The following OPCML variants were observed in gnomAD, a reference collection of about 807,000 sequenced individuals.
OPCML encodes opioid binding protein/cell adhesion molecule like, also known as opioid-binding protein/cell adhesion molecule.
OPCML carries 13 observed loss-of-function variants against 37.8 expected under a neutral mutation model. That is an observed-to-expected ratio of 0.34 (90% CI 0.22 to 0.55). OPCML has a LOEUF of 0.55. Among genes scored for constraint, OPCML ranks in the 20% least tolerant of loss-of-function variants. The pLI, the probability that OPCML is intolerant of heterozygous loss-of-function variation, is 0.91. For synonymous variants in OPCML, 176 were observed against 168.8 expected, an observed-to-expected ratio of 1.04 and a Z score of -0.33; for missense variants, 341 against 435.6, an observed-to-expected ratio of 0.78 and a Z score of 1.93.
chr11:132,891,996 A>G (rs1565941836), intron 2 of OPCML, among the ~76,000 whole-genome samples: 3 of 152,152 alleles, frequency 2.0e-5, no homozygotes, highest in Non-Finnish European at 4.4e-5. Context: ...GACCCACTGC[A>G]TGGATTTCCA....
intron 1 of OPCML, among the ~76,000 whole-genome samples, chr11:133,454,430 T>C (rs1946635513): frequency 1.3e-5 from 2 of 152,176 alleles, no homozygotes; most frequent in South Asian, 2.1e-4. Flanking sequence ...GCATGATCTA[T>C]AGTTTTTCCC....
intron 2 of OPCML, among the ~76,000 whole-genome samples, chr11:132,887,337 C>A (rs1943463472): frequency 6.6e-6 from 1 of 152,206 alleles, no homozygotes. Flanking sequence ...CACAACCACA[C>A]CGCCTAATGA....
In OPCML at chr11:133,211,311, C is replaced by A. The variant is rs1939348034; in HGVS notation, c.62-268301G>T. Reference sequence around the variant, plus strand: ...ACCACAGCACCCAGCACCTAAAAATCCACTCTTTAAGCATAATAGTCTATT... The same window carrying A: ...ACCACAGCACCCAGCACCTAAAAATACACTCTTTAAGCATAATAGTCTATT... On this transcript the variant is annotated intron_variant, in intron 1 of 7. Coordinates refer to ENST00000524381, the MANE Select transcript of OPCML (RefSeq NM_001012393.5). This position sits in a 1 kb window ranked among gnomAD's most constrained non-coding sequence, Gnocchi z 4.1. 6.6e-6 allele frequency among the ~76,000 whole-genome samples: 1 copy of A among 152,124 alleles called. No individual in the cohort carries two copies. Among genetic ancestry groups the A allele is most frequent in the Admixed American group, 6.5e-5 (1 of 15,278 alleles).
Position 132,618,133 on chromosome 11 carries a change from A to G in OPCML, c.379+38954T>C, listed in dbSNP as rs1490157217. Among the ~76,000 whole-genome samples, 6 of 152,242 alleles carry G rather than the reference A, an allele frequency of 3.9e-5. No homozygotes were observed. The South Asian group carries it at 6.2e-4, about 16-fold the overall frequency. On this transcript the variant is annotated intron_variant, in intron 3 of 7. Transcript: ENST00000524381. ...GTTGATGGAAGTGCTGCCACCTTCAAAGCATGATGACAGCACCAACTTTGG... is the reference window on the plus strand; with the variant it reads ...GTTGATGGAAGTGCTGCCACCTTCAGAGCATGATGACAGCACCAACTTTGG...
At position 133,077,591 on chromosome 11, in the gene OPCML, G is replaced by A. The variant is rs144618220; in HGVS notation, c.62-134581C>T. Among the ~76,000 whole-genome samples, 361 of 152,226 alleles carry A rather than the reference G, an allele frequency of 2.4e-3. 3 individuals are homozygous for A. Among genetic ancestry groups the A allele is most frequent in the African/African-American group, 8.2e-3 (342 of 41,510 alleles). On this transcript the variant is annotated intron_variant, in intron 1 of 7. Transcript: ENST00000524381. ...AAAAGCAAAAAGCACAAGGAAAAAT[G>A]ATGACTGAGGATGACAGAATTAAGA...
intron 1 of OPCML, among the ~76,000 whole-genome samples, chr11:133,450,528 T>C (rs2136957335): frequency 6.6e-6 from 1 of 151,452 alleles, no homozygotes; most frequent in South Asian, 2.1e-4. Flanking sequence ...TCAGTGAGAA[T>C]ATCAACACAT....
chr11:133,267,125 C>T (rs1383783511), intron 1 of OPCML, among the ~76,000 whole-genome samples: 2 of 152,152 alleles, frequency 1.3e-5, no homozygotes, highest in Admixed American at 6.5e-5. Flanking sequence ...CGGTGGAATG[C>T]AATGTGTTGG....
At chr11:133,043,704 G>A (rs536164464) in intron 1 of OPCML, among the ~76,000 whole-genome samples, 2 of 152,258 alleles carry the variant, frequency 1.3e-5, no homozygotes, top group East Asian at 3.9e-4. Flanking sequence ...GTGAGTGATT[G>A]CGTGCGGTTA....
chr11:132,560,575 T>C (rs1007858152), intron 3 of OPCML, among the ~76,000 whole-genome samples: 1 of 152,214 alleles, frequency 6.6e-6, no homozygotes, highest in African/African-American at 2.4e-5. Context: ...TCTCATAGTT[T>C]AGCTCCCATT....
intron 2 of OPCML, among the ~76,000 whole-genome samples, chr11:132,669,844 C>T (rs139223381): frequency 8.9e-4 from 135 of 152,240 alleles, no homozygotes; most frequent in African/African-American, 3.0e-3. Flanking sequence ...TGGAGTTCCA[C>T]GTAAAGTTGT....
At chr11:132,490,842 A>G (rs2096213537) in intron 4 of OPCML, among the ~76,000 whole-genome samples, 1 of 151,896 alleles carries the variant, frequency 6.6e-6, no homozygotes, top group African/African-American at 2.4e-5. Flanking sequence ...AAAGAAATGA[A>G]GAACCTGTGT....
intron 1 of OPCML, among the ~76,000 whole-genome samples, chr11:133,282,059 A>C (rs1323510304): frequency 6.6e-6 from 1 of 152,236 alleles, no homozygotes; most frequent in Non-Finnish European, 1.5e-5. Context: ...TATATTTAAA[A>C]GGGAAGCAGA....
intron 1 of OPCML, among the ~76,000 whole-genome samples, chr11:133,234,508 A>C (rs1360708889): frequency 1.3e-5 from 2 of 152,260 alleles, no homozygotes; most frequent in African/African-American, 4.8e-5. Flanking sequence ...AGGGTCTTGC[A>C]GAGGACTTTT....
At chr11:132,907,761 A>G (rs1944294632) in intron 2 of OPCML, among the ~76,000 whole-genome samples, 1 of 152,132 alleles carries the variant, frequency 6.6e-6, no homozygotes, top group Non-Finnish European at 1.5e-5. Flanking sequence ...CCATTTGCTC[A>G]TCGATGCTCC....
chr11:132,846,016 C>T (rs1201503346), intron 2 of OPCML, among the ~76,000 whole-genome samples: 1 of 152,136 alleles, frequency 6.6e-6, no homozygotes, highest in African/African-American at 2.4e-5. Context: ...AGCAATCCCC[C>T]AGTCACCATC....
At chr11:132,972,032 C>T (rs1241874983) in intron 1 of OPCML, among the ~76,000 whole-genome samples, 1 of 152,202 alleles carries the variant, frequency 6.6e-6, no homozygotes, top group Non-Finnish European at 1.5e-5. Context: ...GGCCTAAATA[C>T]TTGCCATCCC....
chr11:133,453,069 G>A (rs1355980911), intron 1 of OPCML, among the ~76,000 whole-genome samples: 1 of 152,110 alleles, frequency 6.6e-6, no homozygotes, highest in Admixed American at 6.6e-5. Context: ...ACATCGAACT[G>A]GATGCTCTAG....
chr11:133,375,310 A>T (rs1346222035), intron 1 of OPCML, among the ~76,000 whole-genome samples: 1 of 152,246 alleles, frequency 6.6e-6, no homozygotes, highest in East Asian at 1.9e-4. Flanking sequence ...GCTGGTCTGT[A>T]AACTGCCAAA....
chr11:133,100,862 C>T (rs1284660007), intron 1 of OPCML, among the ~76,000 whole-genome samples: 4 of 152,154 alleles, frequency 2.6e-5, no homozygotes, highest in Admixed American at 2.6e-4. Context: ...ATAAAACGCC[C>T]AGGAGATAAC....
Sources: allele counts gnomAD v4.1 joint callset (sites outside exome capture counted in the v4.1 genomes callset), GRCh38; gene constraint gnomAD v4.1.1; non-coding constraint Gnocchi (gnomAD v3.1); transcripts MANE v1.5; gene names NCBI Gene and HGNC (gene_info 2026-07-23, HGNC 2026-07-21).